Variants in FHIT observed in about 807,000 individuals in gnomAD.
FHIT encodes the protein bis(5'-adenosyl)-triphosphatase.
Under a neutral mutation model 17.9 loss-of-function variants are expected in FHIT, and 19 were observed. The ratio of observed to expected loss-of-function variants is 1.06; its 90% confidence interval spans 0.74 to 1.56. The LOEUF (loss-of-function observed/expected upper bound fraction) is 1.56, where lower values mean the gene tolerates loss of function less well. Ranked by LOEUF, FHIT falls within the 40% of genes most tolerant of loss-of-function variation. The probability of loss-of-function intolerance (pLI) is 0.00; values close to 1 mark genes in which losing one functional copy is unlikely to be tolerated. For synonymous variants in FHIT, 81 were observed against 69.7 expected, an observed-to-expected ratio of 1.16 and a Z score of -0.81; for missense variants, 248 against 189.2, an observed-to-expected ratio of 1.31 and a Z score of -1.82.
chr3:61,045,466 T>C (rs371194675), intron 2 of FHIT, among the ~76,000 whole-genome samples: 82 of 152,126 alleles, frequency 5.4e-4, no homozygotes, highest in Non-Finnish European at 9.9e-4. Flanking sequence ...GCACCCAATA[T>C]AGGAGCACCC....
chr3:60,657,368 A>G (rs561791287), intron 4 of FHIT, among the ~76,000 whole-genome samples: 111 of 152,270 alleles, frequency 7.3e-4, no homozygotes, highest in African/African-American at 2.5e-3. Context: ...CAGAATGCCA[A>G]TAGATCCCCC....
At chr3:60,512,999 T>C (rs7634921) in intron 5 of FHIT, among the ~76,000 whole-genome samples, 23,122 of 152,212 alleles carry the variant, frequency 0.15, 2,039 homozygotes, top group Middle Eastern at 0.24. Flanking sequence ...AATCTGAATA[T>C]GGAAAATATG....
intron 5 of FHIT, among the ~76,000 whole-genome samples, chr3:60,408,993 T>A (rs1243570404): frequency 6.6e-6 from 1 of 152,156 alleles, no homozygotes; most frequent in African/African-American, 2.4e-5. Flanking sequence ...GGAGTCAGAC[T>A]CGGGGGCTCA....
chr3:60,379,223 G>T (rs1049713552), intron 5 of FHIT, among the ~76,000 whole-genome samples: 1 of 152,080 alleles, frequency 6.6e-6, no homozygotes, highest in African/African-American at 2.4e-5. Context: ...ATATGAAATA[G>T]ATTTCATTCT....
At chr3:60,985,825 T>C (rs1710699922) in intron 3 of FHIT, among the ~76,000 whole-genome samples, 2 of 152,252 alleles carry the variant, frequency 1.3e-5, no homozygotes, top group Admixed American at 6.5e-5. Context: ...ACAGTTCTGG[T>C]GGTCAGAAGC....
intron 7 of FHIT, among the ~76,000 whole-genome samples, chr3:59,952,029 C>T (rs557782620): frequency 2.0e-5 from 3 of 152,292 alleles, no homozygotes; most frequent in African/African-American, 7.2e-5. Flanking sequence ...GCCCTTCTCA[C>T]AGCCTTGATC....
chr3:60,238,143 C>CAAAAAAA (rs5849346), intron 5 of FHIT, among the ~76,000 whole-genome samples: 1 of 111,818 alleles, frequency 8.9e-6, no homozygotes, highest in Non-Finnish European at 1.7e-5. Context: ...GACTCCGTCT[C>CAAAAAAA]AAAAAAAAAA....
At chr3:60,800,982 T>TG (rs1426169492) in intron 4 of FHIT, among the ~76,000 whole-genome samples, 1 of 152,166 alleles carries the variant, frequency 6.6e-6, no homozygotes, top group Non-Finnish European at 1.5e-5. Flanking sequence ...ATGGGTGTGT[T>TG]GACCCACTAA....
chr3:60,570,521 C>A (rs1371915003), intron 4 of FHIT, among the ~76,000 whole-genome samples: 1 of 152,052 alleles, frequency 6.6e-6, no homozygotes, highest in Non-Finnish European at 1.5e-5. Context: ...TCTTGGCCTT[C>A]TAAAAAGCTC....
chr3:60,305,126 T>C (rs183437564), intron 5 of FHIT, among the ~76,000 whole-genome samples: 161 of 151,676 alleles, frequency 1.1e-3, no homozygotes, highest in African/African-American at 3.7e-3. Context: ...ATATTCCTTT[T>C]TGTTCTTTTT....
intron 5 of FHIT, among the ~76,000 whole-genome samples, chr3:60,039,149 C>T (rs542406361): frequency 1.3e-5 from 2 of 152,142 alleles, no homozygotes; most frequent in African/African-American, 4.8e-5. Context: ...TCCATGTGCT[C>T]TCTCCCATAC....
intron 4 of FHIT, among the ~76,000 whole-genome samples, chr3:60,604,343 G>A (rs541417815): frequency 3.9e-5 from 6 of 152,248 alleles, no homozygotes; most frequent in South Asian, 2.1e-4. Context: ...TCTGGTTGTC[G>A]TGGAAATGGG....
At chr3:60,466,887 T>G (rs990671976) in intron 5 of FHIT, among the ~76,000 whole-genome samples, 2 of 150,314 alleles carry the variant, frequency 1.3e-5, no homozygotes, top group Non-Finnish European at 3.0e-5. Flanking sequence ...ACTAGCCTCC[T>G]AGAATGAATC....
At chr3:60,165,318 C>G (rs992693321) in intron 5 of FHIT, among the ~76,000 whole-genome samples, 3 of 152,188 alleles carry the variant, frequency 2.0e-5, no homozygotes, top group Non-Finnish European at 4.4e-5. Flanking sequence ...TTATTTCCAC[C>G]AGAAGAATGT....
chr3:59,979,032 A>G (rs1708535808), intron 7 of FHIT, among the ~76,000 whole-genome samples: 1 of 152,134 alleles, frequency 6.6e-6, no homozygotes, highest in Non-Finnish European at 1.5e-5. Context: ...GCAGACAGAC[A>G]TAAGCAAACC....
At chr3:60,588,511 G>A (rs1193071940) in intron 4 of FHIT, among the ~76,000 whole-genome samples, 1 of 151,856 alleles carries the variant, frequency 6.6e-6, no homozygotes, top group Non-Finnish European at 1.5e-5. Flanking sequence ...AGGAGGGAAG[G>A]AAGGGTATAG....
intron 8 of FHIT, among the ~76,000 whole-genome samples, chr3:59,909,371 C>T (rs1385337331): frequency 1.3e-5 from 2 of 151,962 alleles, no homozygotes; most frequent in African/African-American, 4.8e-5. Context: ...GCTCTGTCAC[C>T]CAGGCTAGAA....
intron 1 of FHIT, among the ~76,000 whole-genome samples, chr3:61,235,589 C>CA (rs1396843056): frequency 1.3e-5 from 2 of 152,108 alleles, no homozygotes; most frequent in African/African-American, 4.8e-5. Context: ...GTAGTCCCAG[C>CA]TACTTGGGAG....
chr3:60,213,829 A>G (rs866765568), intron 5 of FHIT, among the ~76,000 whole-genome samples: 29 of 152,356 alleles, frequency 1.9e-4, no homozygotes, highest in Admixed American at 5.2e-4. Context: ...TATCAGGAGC[A>G]TAAGAGGAAC....
Sources: gnomAD v4.1 joint callset for allele counts (sites outside exome capture counted in the v4.1 genomes callset) on GRCh38, gnomAD v4.1.1 for gene constraint, MANE v1.5 for transcripts, NCBI Gene and HGNC (gene_info 2026-07-23, HGNC 2026-07-21) for gene names.